CFAP300: variants seen among roughly 807,000 people sequenced by gnomAD.
CFAP300 encodes the protein cilia- and flagella-associated protein 300.
Under a neutral mutation model 33.0 loss-of-function variants are expected in CFAP300, and 32 were observed. That is an observed-to-expected ratio of 0.97 (90% CI 0.73 to 1.30). CFAP300 has a LOEUF of 1.30. CFAP300 is among the 50% of genes most tolerant of loss of function. The pLI is 0.00. For synonymous variants in CFAP300, 102 were observed against 106.8 expected (o/e 0.95, Z 0.28); for missense variants, 356 against 318.1 (o/e 1.12, Z -0.90).
intron 4 of CFAP300, among the ~76,000 whole-genome samples, chr11:102,067,730 C>A (rs1463838557): frequency 6.6e-6 from 1 of 152,112 alleles, no homozygotes; most frequent in Non-Finnish European, 1.5e-5. Flanking sequence ...CAGAGCAAGA[C>A]CCTCATCTCT....
At chr11:102,062,605 G>A (rs1268816639) in intron 3 of CFAP300, among the ~76,000 whole-genome samples, 1 of 152,222 alleles carries the variant, frequency 6.6e-6, no homozygotes, top group Non-Finnish European at 1.5e-5. Context: ...TCTAAGCAAA[G>A]TCTTAAAGTA....
At chr11:102,069,878 G>T (rs940592437) in intron 4 of CFAP300, among the ~76,000 whole-genome samples, 36 of 152,054 alleles carry the variant, frequency 2.4e-4, no homozygotes, top group Admixed American at 1.4e-3. Context: ...GAGGTGGGAG[G>T]ATTGCCTGAA....
At chr11:102,066,115 C>A (rs1942221182) in intron 3 of CFAP300, among the ~76,000 whole-genome samples, 1 of 151,880 alleles carries the variant, frequency 6.6e-6, no homozygotes, top group South Asian at 2.1e-4. Context: ...GTGCTGTAAT[C>A]CTGGCTAATT....
intron 2 of CFAP300, among the ~76,000 whole-genome samples, chr11:102,053,356 A>C (rs1942000556): frequency 6.6e-6 from 1 of 152,186 alleles, no homozygotes; most frequent in Non-Finnish European, 1.5e-5. Flanking sequence ...GTTCAAGACC[A>C]GCCTGACAAA....
At chr11:102,061,509 T>TAA (rs1453314357) in intron 3 of CFAP300, among the ~76,000 whole-genome samples, 1 of 152,238 alleles carries the variant, frequency 6.6e-6, no homozygotes, top group Non-Finnish European at 1.5e-5. Flanking sequence ...ATAGCTCCTA[T>TAA]GTTTAGATAC....
intron 2 of CFAP300, among the ~76,000 whole-genome samples, chr11:102,053,050 A>C (rs1941994692): frequency 6.6e-6 from 1 of 151,914 alleles, no homozygotes; most frequent in South Asian, 2.1e-4. Context: ...CAACATGGTG[A>C]AACCCTGTCT....
At chr11:102,050,952 G>A (rs956212454) in intron 2 of CFAP300, among the ~76,000 whole-genome samples, 1 of 152,198 alleles carries the variant, frequency 6.6e-6, no homozygotes, top group Non-Finnish European at 1.5e-5. Flanking sequence ...GAGTCAGGAA[G>A]TAATGACACC....
intron 5 of CFAP300, 81 bp from the exon 6 acceptor site, chr11:102,081,134 A>T: frequency 9.6e-7 from 1 of 1,042,648 alleles, no homozygotes; most frequent in Non-Finnish European, 1.4e-6. Context: ...AAGAACACTT[A>T]AATACTAAAA....
chr11:102,047,668 T>A lies in CFAP300; in HGVS notation c.110+88T>A. 1.2e-5 allele frequency: 18 copies of A among 1,460,144 alleles called. No individual in the cohort carries two copies. In the South Asian group the frequency reaches 2.2e-4, roughly 18 times the overall value. 90.4% of individuals were successfully genotyped at this position (1,460,144 alleles called of 1,614,324 possible). On this transcript the variant is annotated intron_variant, in intron 1 of 6. Coordinates refer to ENST00000434758, the MANE Select transcript of CFAP300 (RefSeq NM_032930.3). ...CCGGGCGTCGAGGGGCCCGCGCGGG[T>A]CGGCGCCATTCTGAGTGAACCCTGA...
intron 6 of CFAP300, 83 bp downstream of exon 6, chr11:102,081,364 G>A (rs1389187869): frequency 8.9e-7 from 1 of 1,119,898 alleles, no homozygotes; most frequent in Non-Finnish European, 1.3e-6. Flanking sequence ...TAACAATCAG[G>A]ACAATGTTAT....
rs555467417 is a variant in CFAP300 at position 102,076,227 on chromosome 11, G to T, written c.608+182G>T. On this transcript the variant is annotated intron_variant, in intron 5 of 6. Coordinates refer to ENST00000434758, the MANE Select transcript of CFAP300 (RefSeq NM_032930.3). ...CTCTTCCAGAATAGAAAGATTTCTG[G>T]ATTTCTCTCTCATTTAGTTCTCAGT... The T allele has an allele frequency of 1.9e-5, 10 of 534,896 alleles. No individual in the cohort carries two copies. In the East Asian group the frequency reaches 3.2e-4, roughly 17 times the overall value. The allele number at this position is 534,896 out of a possible 1,614,324, so 33.1% of individuals were successfully genotyped here.
rs769985037 is a variant in CFAP300, at chr11:102,066,501, A to G, written c.285A>G (p.Lys95=). The part of the protein sequence containing the change: ...QWIILGTEVK[K]IEAINVPCTQ... ...TTTTTTCAGGAACTGAAGTGAAAAA[A>G]ATTGAAGCTATAAATGTTCCTTGCA... Residue 95 remains lysine, a synonymous_variant, in exon 4 of 7, where the codon AAA becomes AAG. Coordinates refer to ENST00000434758, the MANE Select transcript of CFAP300 (RefSeq NM_032930.3). The G allele has an allele frequency of 5.0e-6, 8 of 1,589,786 alleles. No homozygotes were observed. Among genetic ancestry groups the G allele is most frequent in the East Asian group, 2.3e-5 (1 of 44,200 alleles).
At chr11:102,048,436 T>C (rs1941920369) in intron 2 of CFAP300, among the ~76,000 whole-genome samples, 1 of 152,100 alleles carries the variant, frequency 6.6e-6, no homozygotes, top group African/African-American at 2.4e-5. Context: ...CCCAGGCTAG[T>C]CTTGAATCCC....
At chr11:102,076,190 A>C in intron 5 of CFAP300, 145 bp downstream of exon 5, 1 of 742,476 alleles carries the variant, frequency 1.3e-6, no homozygotes, top group East Asian at 3.3e-5. Flanking sequence ...CCCCTCTCAT[A>C]ACCTTCCCCC....
intron 6 of CFAP300, among the ~76,000 whole-genome samples, chr11:102,082,369 A>T (rs2135054452): frequency 6.6e-6 from 1 of 151,750 alleles, no homozygotes; most frequent in East Asian, 1.9e-4. Context: ...AAAGAGTAAG[A>T]CTCCAACTCC....
Position 102,083,413 on chromosome 11 carries a change from C to CA in CFAP300, c.*220dup, listed in dbSNP as rs1942504612. On this transcript the variant is annotated 3_prime_UTR_variant, in exon 7 of 7. Transcript: ENST00000434758. ...ATTTCATCCATAATAAAATCTATACCAAAAAAGTTGTGGAATTTTTACAGA... is the reference window on the plus strand; with the variant it reads ...ATTTCATCCATAATAAAATCTATACCAAAAAAAGTTGTGGAATTTTTACAGA... 3.6e-6 allele frequency: 1 copy of CA among 281,058 alleles called. No homozygotes were observed. Among genetic ancestry groups the CA allele is most frequent in the Non-Finnish European group, 6.4e-6 (1 of 155,192 alleles). 17.4% of individuals were successfully genotyped at this position (281,058 alleles called of 1,614,324 possible). A position where few individuals can be genotyped will look rare whatever the true frequency, so the allele number is the denominator to read the frequency against.
At chr11:102,055,044 G>A (rs1387725673) in intron 2 of CFAP300, among the ~76,000 whole-genome samples, 5 of 150,498 alleles carry the variant, frequency 3.3e-5, no homozygotes, top group South Asian at 2.1e-4. Context: ...GCAGTGGTGC[G>A]ATCTCAGCTC....
At position 102,060,340 on chromosome 11, in the gene CFAP300, C is replaced by G. The variant is rs868116927; in HGVS notation, c.268+1385C>G. 4.0e-5 allele frequency among the ~76,000 whole-genome samples: 6 copies of G among 150,750 alleles called. No individual in the cohort carries two copies. In the Middle Eastern group the frequency reaches 0.014, roughly 344 times the overall value. On this transcript the variant is annotated intron_variant, in intron 3 of 6. Coordinates refer to ENST00000434758, the MANE Select transcript of CFAP300 (RefSeq NM_032930.3). ...CCATGTTGGCCAGGCTGGTCTCAAA[C>G]TCCTGGCCTCAAGTGATCCACCTGC...
At chr11:102,063,003 A>G (rs916317754) in intron 3 of CFAP300, among the ~76,000 whole-genome samples, 1 of 152,142 alleles carries the variant, frequency 6.6e-6, no homozygotes, top group African/African-American at 2.4e-5. Flanking sequence ...GGTTAGAAAG[A>G]CCCCGAAGCA....
Sources: gnomAD v4.1 joint callset for allele counts (sites outside exome capture counted in the v4.1 genomes callset) on GRCh38, gnomAD v4.1.1 for gene constraint, MANE v1.5 for transcripts, NCBI Gene and HGNC (gene_info 2026-07-23, HGNC 2026-07-21) for gene names.